The following SLC25A48 variants were observed in gnomAD, a reference collection of about 807,000 sequenced individuals.
SLC25A48 encodes the protein CTC-321K16.1.
A neutral mutation model predicts 32.2 loss-of-function variants in SLC25A48; 29 were observed. The ratio of observed to expected loss-of-function variants is 0.90; its 90% CI spans 0.67 to 1.23. The LOEUF (loss-of-function observed/expected upper bound fraction) is 1.23. Among genes scored for constraint, SLC25A48 ranks in the 50% most tolerant of loss-of-function variants. The probability of loss-of-function intolerance (pLI) is 0.00; values close to 1 mark genes in which losing one functional copy is unlikely to be tolerated. For missense variants in SLC25A48, 399 were observed against 422.7 expected, an observed-to-expected ratio of 0.94 and a Z score of 0.49; for synonymous variants, 164 against 172.3, an observed-to-expected ratio of 0.95 and a Z score of 0.38.
chr5:135,655,925 G>A (rs939335071), intron 3 of SLC25A48, among the ~76,000 whole-genome samples: 2 of 152,074 alleles, frequency 1.3e-5, no homozygotes, highest in African/African-American at 4.8e-5. Context: ...AGCAATACTG[G>A]TTTCTCCAGG....
chr5:135,761,046 T>C (rs1756048046), intron 3 of SLC25A48, among the ~76,000 whole-genome samples: 1 of 152,120 alleles, frequency 6.6e-6, no homozygotes, highest in South Asian at 2.1e-4. Flanking sequence ...ATTCCTGTAA[T>C]TCCAACACTT....
intron 2 of SLC25A48, among the ~76,000 whole-genome samples, chr5:135,850,009 G>C (rs1227872882): frequency 6.6e-6 from 1 of 152,180 alleles, no homozygotes; most frequent in African/African-American, 2.4e-5. Flanking sequence ...AGGGCTTCAG[G>C]CCATGTTTCT....
At chr5:135,613,997 T>C (rs1167412778) in intron 1 of SLC25A48, among the ~76,000 whole-genome samples, 1 of 152,196 alleles carries the variant, frequency 6.6e-6, no homozygotes, top group Non-Finnish European at 1.5e-5. Context: ...GTTATTTTGA[T>C]GGTGATTGCA....
intron 3 of SLC25A48, among the ~76,000 whole-genome samples, chr5:135,803,746 G>A (rs1371327246): frequency 6.6e-6 from 1 of 151,506 alleles, no homozygotes; most frequent in Admixed American, 6.6e-5. Context: ...CACTGTAATA[G>A]GATATCGCCC....
chr5:135,635,152 G>T (rs2126911024), intron 3 of SLC25A48, among the ~76,000 whole-genome samples: 1 of 152,306 alleles, frequency 6.6e-6, no homozygotes, highest in African/African-American at 2.4e-5. Flanking sequence ...TTGTGACTCT[G>T]CCCTCTGGCC....
In SLC25A48 at chr5:135,778,840, C is replaced by T. The variant is rs139076077; in HGVS notation, c.-520-33683C>T. Among the ~76,000 whole-genome samples, 961 of 123,372 alleles carry T rather than the reference C, an allele frequency of 7.8e-3. 26 individuals are homozygous for T. Among genetic ancestry groups the T allele is most frequent in the Non-Finnish European group, 0.013 (743 of 57,490 alleles). The allele number at this position is 123,372 out of a possible 152,430, so 80.9% of individuals were successfully genotyped here. ...CAACATCGCCAGTGGTGTACACACA[C>T]CCCCCCCGCCCCGCCGTGACATTGT... On this transcript the variant is annotated intron_variant, in intron 3 of 10. Transcript: ENST00000646290.
intron 3 of SLC25A48, among the ~76,000 whole-genome samples, chr5:135,667,948 A>G (rs1753562889): frequency 2.0e-5 from 3 of 152,188 alleles, no homozygotes; most frequent in African/African-American, 7.2e-5. Flanking sequence ...AGCTAAGTGC[A>G]TGGGCTTTGT....
intron 3 of SLC25A48, among the ~76,000 whole-genome samples, chr5:135,757,553 A>G (rs1755946445): frequency 6.7e-6 from 1 of 149,170 alleles, no homozygotes; most frequent in Admixed American, 6.7e-5. Context: ...CTATATATTT[A>G]TAATGTCTAG....
At chr5:135,863,167 C>T (rs76356728) in intron 4 of SLC25A48, among the ~76,000 whole-genome samples, 2,119 of 152,208 alleles carry the variant, frequency 0.014, 39 homozygotes, top group African/African-American at 0.045. Context: ...CAAAAATGAC[C>T]AAAGACCCCA....
chr5:135,879,863 A>T (rs566461200), intron 6 of SLC25A48, 105 bp from the exon 7 acceptor site: 1 of 1,446,388 alleles, frequency 6.9e-7, no homozygotes, highest in East Asian at 2.5e-5. Flanking sequence ...CTGGTGGGGG[A>T]CCGGGCCTGG....
chr5:135,700,920 G>A (rs932653826), intron 3 of SLC25A48, among the ~76,000 whole-genome samples: 1 of 152,194 alleles, frequency 6.6e-6, no homozygotes, highest in African/African-American at 2.4e-5. Flanking sequence ...GGCATGACAG[G>A]GTCTCATAAA....
chr5:135,821,050 G>A (rs142498045), intron 4 of SLC25A48, among the ~76,000 whole-genome samples: 2 of 152,298 alleles, frequency 1.3e-5, no homozygotes, highest in East Asian at 3.9e-4. Context: ...ACTAACTAGA[G>A]CCCCCTTTTC....
At chr5:135,672,639 T>C (rs1468891296) in intron 3 of SLC25A48, among the ~76,000 whole-genome samples, 2 of 152,214 alleles carry the variant, frequency 1.3e-5, no homozygotes, top group African/African-American at 4.8e-5. Context: ...TGGTCAGGTG[T>C]TCTGGAAATG....
chr5:135,835,592 T>A (rs1455764478), intron 1 of SLC25A48, among the ~76,000 whole-genome samples: 2 of 151,278 alleles, frequency 1.3e-5, no homozygotes, highest in Admixed American at 1.3e-4. Flanking sequence ...TTCATTTCCT[T>A]GCTTCTCCAT....
intron 7 of SLC25A48, among the ~76,000 whole-genome samples, chr5:135,886,588 A>AAT (rs147005349): frequency 0.016 from 547 of 35,154 alleles, 6 homozygotes; most frequent in African/African-American, 0.02. Context: ...TATTTAACCA[A>AAT]ATATATATAT....
At chr5:135,693,542 G>A (rs1305829079) in intron 3 of SLC25A48, among the ~76,000 whole-genome samples, 1 of 152,238 alleles carries the variant, frequency 6.6e-6, no homozygotes, top group African/African-American at 2.4e-5. Context: ...ATTGACATGT[G>A]TACCTCCACA....
At chr5:135,877,809 T>C (rs1367120619) in intron 6 of SLC25A48, among the ~76,000 whole-genome samples, 1 of 152,066 alleles carries the variant, frequency 6.6e-6, no homozygotes, top group Non-Finnish European at 1.5e-5. Context: ...TGAGGGGCCA[T>C]CATCCACCTG....
Position 135,626,439 on chromosome 5 carries a change from A to G in SLC25A48, c.-848-2798A>G, listed in dbSNP as rs6860969. On this transcript the variant is annotated intron_variant, in intron 1 of 10. Transcript: ENST00000646290. ...TTCTGGTGAACAGAGGCTTTTTAATATTAGAACATTGAGCCCTCAAGCCAA... is the reference window on the plus strand; with the variant it reads ...TTCTGGTGAACAGAGGCTTTTTAATGTTAGAACATTGAGCCCTCAAGCCAA... Among the ~76,000 whole-genome samples the G allele has an allele frequency of 9.3e-3, 1,415 of 152,278 alleles. 25 individuals are homozygous for G. The highest frequency in any genetic ancestry group is 0.032 in the African/African-American group (1,340 of 41,554).
At chr5:135,687,041 A>G (rs1322092214) in intron 3 of SLC25A48, among the ~76,000 whole-genome samples, 1 of 151,922 alleles carries the variant, frequency 6.6e-6, no homozygotes, top group East Asian at 1.9e-4. Context: ...AAAACAATCC[A>G]TTAAGTGGCT....
Sources: allele counts gnomAD v4.1 joint callset (sites outside exome capture counted in the v4.1 genomes callset), GRCh38; gene constraint gnomAD v4.1.1; transcripts MANE v1.5; gene names NCBI Gene and HGNC (gene_info 2026-07-23, HGNC 2026-07-21).